The following RBMS3 variants were observed in gnomAD, a reference collection of about 807,000 sequenced individuals.
RBMS3 encodes RNA-binding motif, single-stranded-interacting protein 3.
In RBMS3, 27 loss-of-function variants were observed where a neutral mutation model predicts 66.8. The ratio of observed to expected loss-of-function variants is 0.40; its 90% CI spans 0.30 to 0.56. The LOEUF is 0.56. Among genes scored for constraint, RBMS3 ranks in the 20% least tolerant of loss-of-function variants. RBMS3 has a pLI of 0.40. For synonymous variants in RBMS3, 188 were observed against 183.0 expected (o/e 1.03, Z -0.22); for missense variants, 513 against 549.5 (o/e 0.93, Z 0.66).
chr3:29,701,232 G>A (rs1449170542), intron 4 of RBMS3, among the ~76,000 whole-genome samples: 3 of 151,864 alleles, frequency 2.0e-5, no homozygotes, highest in South Asian at 2.1e-4. Flanking sequence ...AGCTGAGATC[G>A]CGCCATTGCA....
intron 12 of RBMS3, among the ~76,000 whole-genome samples, chr3:29,949,378 A>G (rs75537918): frequency 3.7e-4 from 56 of 151,946 alleles, no homozygotes; most frequent in African/African-American, 1.3e-3. Flanking sequence ...AAGCAGACAC[A>G]AGCCACGTGC....
At chr3:29,348,571 T>TAAA (rs201850631) in intron 1 of RBMS3, among the ~76,000 whole-genome samples, 2 of 143,432 alleles carry the variant, frequency 1.4e-5, no homozygotes. Flanking sequence ...TTCTCTCTGT[T>TAAA]AAAAAAAAAA....
chr3:29,928,774 C>G (rs918168547), intron 10 of RBMS3, among the ~76,000 whole-genome samples: 2 of 122,778 alleles, frequency 1.6e-5, no homozygotes, highest in African/African-American at 6.1e-5. Flanking sequence ...ATATTTGAAC[C>G]AGGCTACTGG....
Position 29,681,376 on chromosome 3 carries a change from G to A in RBMS3, c.400-58344G>A, listed in dbSNP as rs571260473. On this transcript the variant is annotated intron_variant, in intron 4 of 14. Coordinates refer to ENST00000383767, the MANE Select transcript of RBMS3 (RefSeq NM_001003793.3). ...TTTTATTTTAAGTTAATGGGTACAT[G>A]TGCAGCATGTGCAGGTTTGTTACGT... Among the ~76,000 whole-genome samples, 139 of 152,016 alleles carry A rather than the reference G, an allele frequency of 9.1e-4. 1 individual carries two copies. Among genetic ancestry groups the A allele is most frequent in the Non-Finnish European group, 8.8e-4 (60 of 68,024 alleles).
At chr3:29,677,114 A>T (rs2051289611) in intron 4 of RBMS3, among the ~76,000 whole-genome samples, 1 of 152,104 alleles carries the variant, frequency 6.6e-6, no homozygotes, top group African/African-American at 2.4e-5. Context: ...ATCTCAAGAG[A>T]ACTCACTCAC....
At chr3:29,489,493 C>T (rs3773025) in intron 3 of RBMS3, among the ~76,000 whole-genome samples, 11,136 of 151,744 alleles carry the variant, frequency 0.073, 698 homozygotes, top group African/African-American at 0.17. Context: ...GTTAAAAAGA[C>T]ACCAAGAAAA....
chr3:29,446,497 A>G (rs977179983), intron 2 of RBMS3, among the ~76,000 whole-genome samples: 1 of 152,170 alleles, frequency 6.6e-6, no homozygotes, highest in Non-Finnish European at 1.5e-5. Flanking sequence ...TCACCACTAT[A>G]CATAGTACAC....
At chr3:29,633,743 C>G (rs765023902) in intron 4 of RBMS3, among the ~76,000 whole-genome samples, 7 of 151,832 alleles carry the variant, frequency 4.6e-5, no homozygotes, top group African/African-American at 9.7e-5. Context: ...GATGAATGCC[C>G]TGCCATGTTG....
At chr3:29,676,312 A>G (rs1231824428) in intron 4 of RBMS3, among the ~76,000 whole-genome samples, 4 of 152,150 alleles carry the variant, frequency 2.6e-5, no homozygotes, top group African/African-American at 9.7e-5. Context: ...CATTAGGAGA[A>G]ATACCTGATG....
rs2059803119 is a variant in RBMS3 at position 29,884,159 on chromosome 3, C to T, written c.745-3C>T. On this transcript the variant is annotated splice_polypyrimidine_tract_variant and splice_region_variant and intron_variant, in intron 7 of 14. Transcript: ENST00000383767. ...TTTTCTTCCCTCTTCATCCTATATA[C>T]AGGCTGGCATGGCTTTGACCTATGA... 2 of 1,611,086 alleles carry T rather than the reference C, an allele frequency of 1.2e-6. No homozygotes were observed. Among genetic ancestry groups the T allele is most frequent in the Admixed American group, 1.7e-5 (1 of 59,716 alleles).
intron 3 of RBMS3, among the ~76,000 whole-genome samples, chr3:29,508,568 T>C (rs1359338664): frequency 6.6e-6 from 1 of 152,158 alleles, no homozygotes; most frequent in Non-Finnish European, 1.5e-5. Context: ...CCATGGTGTA[T>C]ATATGCCAAA....
intron 10 of RBMS3, among the ~76,000 whole-genome samples, chr3:29,921,067 CTGT>C (rs2060764636): frequency 6.6e-6 from 1 of 151,848 alleles, no homozygotes; most frequent in Non-Finnish European, 1.5e-5. Context: ...TTTTGGTTTG[CTGT>C]TGTTGTTTTG....
At chr3:29,558,292 A>G (rs1330436337) in intron 3 of RBMS3, among the ~76,000 whole-genome samples, 1 of 152,148 alleles carries the variant, frequency 6.6e-6, no homozygotes, top group East Asian at 1.9e-4. Context: ...AGTAGTAATT[A>G]AAGATGCAAT....
chr3:29,628,046 C>T lies in RBMS3; in HGVS notation c.399+40841C>T, dbSNP rs561218368. 3.9e-5 allele frequency among the ~76,000 whole-genome samples: 6 copies of T among 152,214 alleles called. No individual in the cohort carries two copies. In the East Asian group the frequency reaches 1.2e-3, roughly 29 times the overall value. On this transcript the variant is annotated intron_variant, in intron 4 of 14. Transcript: ENST00000383767. ...TATATTGAACAGACATATTAAATTA[C>T]CGGATTAAAAACCCAATACCATCAT...
In RBMS3 at chr3:30,008,962, C is replaced by T. The variant is rs1425491472; in HGVS notation, c.*5100C>T. The T allele has an allele frequency of 1.3e-5, 2 of 152,062 alleles. No homozygotes were observed. Among genetic ancestry groups the T allele is most frequent in the Non-Finnish European group, 2.9e-5 (2 of 67,978 alleles). The allele number at this position is 152,062 out of a possible 1,614,324, so 9.4% of individuals were successfully genotyped here. A position where few individuals can be genotyped will look rare whatever the true frequency, so the allele number is the denominator to read the frequency against. On this transcript the variant is annotated 3_prime_UTR_variant, in exon 15 of 15. Coordinates refer to ENST00000383767, the MANE Select transcript of RBMS3 (RefSeq NM_001003793.3). ...AATTTCTTTTATCATTGGCTTTATA[C>T]TCTAACATATAGATACTCTCTATAG...
At chr3:29,312,834 T>C (rs187195316) in intron 1 of RBMS3, among the ~76,000 whole-genome samples, 3 of 151,802 alleles carry the variant, frequency 2.0e-5, no homozygotes, top group Admixed American at 2.0e-4. Context: ...ACTGTGGACT[T>C]TAGATAATCC....
intron 4 of RBMS3, among the ~76,000 whole-genome samples, chr3:29,625,726 A>AAATG: frequency 6.7e-6 from 1 of 150,016 alleles, no homozygotes; most frequent in Admixed American, 6.6e-5. Flanking sequence ...ATAAATAAAT[A>AAATG]AATAAATAAA....
intron 8 of RBMS3, among the ~76,000 whole-genome samples, chr3:29,885,191 G>A (rs2059841044): frequency 6.6e-6 from 1 of 151,778 alleles, no homozygotes; most frequent in Non-Finnish European, 1.5e-5. Flanking sequence ...TATGATATGA[G>A]ACCCTTTCCT....
intron 1 of RBMS3, among the ~76,000 whole-genome samples, chr3:29,288,165 G>C (rs2125418094): frequency 6.6e-6 from 1 of 152,024 alleles, no homozygotes; most frequent in African/African-American, 2.4e-5. Flanking sequence ...TTTCTAGGTT[G>C]GGTTCCTTCA....
Sources: gnomAD v4.1 joint callset for allele counts (sites outside exome capture counted in the v4.1 genomes callset) on GRCh38, gnomAD v4.1.1 for gene constraint, MANE v1.5 for transcripts, NCBI Gene and HGNC (gene_info 2026-07-23, HGNC 2026-07-21) for gene names.